The following GRIP1 variants were observed in gnomAD, a reference collection of about 807,000 sequenced individuals.
GRIP1 encodes glutamate receptor-interacting protein 1.
In GRIP1, 45 loss-of-function variants were observed where a neutral mutation model predicts 129.9. The observed-to-expected ratio is 0.35, with a 90% CI of 0.27 to 0.44. The LOEUF (loss-of-function observed/expected upper bound fraction) is 0.44. GRIP1 is among the 20% of genes least tolerant of loss of function. GRIP1 has a pLI of 1.00. For missense variants in GRIP1, 1,196 were observed against 1,396.8 expected (o/e 0.86, Z 2.29); for synonymous variants, 530 against 520.8 (o/e 1.02, Z -0.24).
chr12:67,039,182 T>C (rs1565650992), intron 1 of GRIP1, among the ~76,000 whole-genome samples: 2 of 152,300 alleles, frequency 1.3e-5, no homozygotes. Context: ...AATATTATAT[T>C]TTTGACTATT....
At position 66,568,990 on chromosome 12, in the gene GRIP1, C is replaced by T. The variant is rs181871585; in HGVS notation, c.137-27040G>A. 7.2e-4 allele frequency: 354 copies of T among 492,190 alleles called. 1 individual carries two copies. The highest frequency in any genetic ancestry group is 6.4e-3 in the African/African-American group (324 of 50,880). The allele number at this position is 492,190 out of a possible 1,614,324, so 30.5% of individuals were successfully genotyped here. A position where few individuals can be genotyped will look rare whatever the true frequency, so the allele number is the denominator to read the frequency against. ...CACTGCATCTACAAGATTAATAGTA[C>T]TTATAATTCTATCTGCGTGCTTCTC... On this transcript the variant is annotated intron_variant, in intron 2 of 24. Coordinates refer to ENST00000359742, the MANE Select transcript of GRIP1 (RefSeq NM_001366722.1).
intron 1 of GRIP1, among the ~76,000 whole-genome samples, chr12:66,754,018 A>G (rs1592810611): frequency 6.6e-6 from 1 of 152,178 alleles, no homozygotes; most frequent in Admixed American, 6.5e-5. Context: ...AACATGGTTC[A>G]TTTTTTCCCT....
chr12:66,433,730 A>T (rs896353755), intron 13 of GRIP1, among the ~76,000 whole-genome samples: 2 of 152,208 alleles, frequency 1.3e-5, no homozygotes, highest in Non-Finnish European at 1.5e-5. Context: ...GTTGCTAATG[A>T]CTATAATCCT....
chr12:66,403,274 C>T (rs1286571011), intron 16 of GRIP1, among the ~76,000 whole-genome samples: 1 of 152,102 alleles, frequency 6.6e-6, no homozygotes, highest in Non-Finnish European at 1.5e-5. Flanking sequence ...TGTTGTTGTC[C>T]CTCATCCCCC....
At chr12:66,721,489 G>A (rs2036056766) in intron 1 of GRIP1, among the ~76,000 whole-genome samples, 1 of 151,960 alleles carries the variant, frequency 6.6e-6, no homozygotes, top group South Asian at 2.1e-4. Context: ...TGGCCAGGCT[G>A]GTCTTGAACT....
intron 1 of GRIP1, among the ~76,000 whole-genome samples, chr12:67,010,736 G>A (rs886771990): frequency 2.0e-5 from 3 of 152,026 alleles, no homozygotes; most frequent in Admixed American, 6.5e-5. Context: ...TGCAGAAAGC[G>A]GGGACACCGA....
chr12:66,671,429 A>G lies in GRIP1; in HGVS notation c.55+7421T>C, dbSNP rs140179541. 4.1e-3 allele frequency among the ~76,000 whole-genome samples: 616 copies of G among 152,054 alleles called. 2 individuals carry two copies. Among genetic ancestry groups the G allele is most frequent in the Non-Finnish European group, 6.3e-3 (429 of 67,976 alleles). ...GAAATTTTACCTCCCTACTGGTTCT[A>G]TCCTTTTAAAAAATGCTCAGATTTC... On this transcript the variant is annotated intron_variant, in intron 1 of 24. Transcript: ENST00000359742.
At chr12:66,844,656 T>C (rs1473711226) in intron 1 of GRIP1, among the ~76,000 whole-genome samples, 1 of 152,228 alleles carries the variant, frequency 6.6e-6, no homozygotes, top group East Asian at 1.9e-4. Context: ...TTTGTTCCCA[T>C]GTTCACAGTA....
chr12:66,864,911 T>C (rs1173160338), intron 1 of GRIP1, among the ~76,000 whole-genome samples: 5 of 152,144 alleles, frequency 3.3e-5, no homozygotes, highest in Admixed American at 6.5e-5. Flanking sequence ...TATACAGATC[T>C]CTCTTCTAAT....
intron 1 of GRIP1, among the ~76,000 whole-genome samples, chr12:66,800,563 G>A (rs988124252): frequency 7.2e-5 from 11 of 151,940 alleles, no homozygotes; most frequent in Admixed American, 1.3e-4. Flanking sequence ...AATATTATCC[G>A]GTGTGGCTAA....
rs1311949158 is a variant in GRIP1 at position 66,579,448 on chromosome 12, G to A, written c.136+17399C>T. On this transcript the variant is annotated intron_variant, in intron 2 of 24. Coordinates refer to ENST00000359742, the MANE Select transcript of GRIP1 (RefSeq NM_001366722.1). ...AAGTTGAGAGAAGAAGGCTTCAGACGATCAAACTACGAGCTACAGGAGGAA... is the reference window on the plus strand; with the variant it reads ...AAGTTGAGAGAAGAAGGCTTCAGACAATCAAACTACGAGCTACAGGAGGAA... Among the ~76,000 whole-genome samples the A allele has an allele frequency of 2.0e-5, 3 of 152,196 alleles. No homozygotes were observed. In the East Asian group the frequency reaches 5.8e-4, roughly 29 times the overall value.
At chr12:66,360,065 T>A (rs965471509) in intron 23 of GRIP1, among the ~76,000 whole-genome samples, 16 of 152,184 alleles carry the variant, frequency 1.1e-4, no homozygotes, top group African/African-American at 3.9e-4. Flanking sequence ...AGAATGAGGA[T>A]ACTGAACCTT....
At chr12:67,015,984 T>C (rs1013195156) in intron 1 of GRIP1, among the ~76,000 whole-genome samples, 15 of 152,230 alleles carry the variant, frequency 9.9e-5, no homozygotes, top group African/African-American at 3.6e-4. Context: ...ACCTCTCAGG[T>C]GGCTGAAGCA....
At chr12:66,625,037 A>T (rs945777224) in intron 1 of GRIP1, among the ~76,000 whole-genome samples, 6 of 150,944 alleles carry the variant, frequency 4.0e-5, no homozygotes, top group African/African-American at 1.5e-4. Flanking sequence ...TGTAGGTGGT[A>T]AGCTTGTAAT....
chr12:66,723,212 T>C (rs1179719560), intron 1 of GRIP1, among the ~76,000 whole-genome samples: 22 of 55,384 alleles, frequency 4.0e-4, no homozygotes, highest in Non-Finnish European at 6.8e-4. Flanking sequence ...TTTTCTTTCT[T>C]TCTTTCTTTC....
At chr12:66,902,009 C>T (rs2040851750) in intron 1 of GRIP1, among the ~76,000 whole-genome samples, 1 of 152,206 alleles carries the variant, frequency 6.6e-6, no homozygotes, top group Non-Finnish European at 1.5e-5. Context: ...ATGAGCTTTG[C>T]AGTCAGAAAT....
intron 5 of GRIP1, among the ~76,000 whole-genome samples, chr12:66,528,145 T>TGTTTGTTTG (rs4134419): frequency 0.3 from 42,235 of 142,662 alleles, 6,964 homozygotes; most frequent in African/African-American, 0.39. Flanking sequence ...TTTTTTTTTT[T>TGTTTGTTTG]TTTTTTTGAG....
chr12:66,682,643 T>C (rs1565965018), upstream of GRIP1, among the ~76,000 whole-genome samples: 1 of 152,150 alleles, frequency 6.6e-6, no homozygotes, highest in Non-Finnish European at 1.5e-5. Flanking sequence ...CATTCTTTTA[T>C]ATAACATCTC....
chr12:66,648,186 C>T (rs978179164), intron 1 of GRIP1, among the ~76,000 whole-genome samples: 1 of 89,420 alleles, frequency 1.1e-5, no homozygotes, highest in African/African-American at 4.4e-5. Flanking sequence ...TCTGGCTCCA[C>T]AGATCCCGCT....
Sources: gnomAD v4.1 joint callset for allele counts (sites outside exome capture counted in the v4.1 genomes callset) on GRCh38, gnomAD v4.1.1 for gene constraint, MANE v1.5 for transcripts, NCBI Gene and HGNC (gene_info 2026-07-23, HGNC 2026-07-21) for gene names.